The following MYO1D variants were observed in gnomAD, a reference collection of about 807,000 sequenced individuals.
MYO1D encodes unconventional myosin-Id.
Under a neutral mutation model 122.0 loss-of-function variants are expected in MYO1D, and 83 were observed. That is an observed-to-expected ratio of 0.68 (90% CI 0.57 to 0.82). The LOEUF is 0.82. Among genes scored for constraint, MYO1D ranks in the 40% least tolerant of loss-of-function variants. The pLI, the probability that MYO1D is intolerant of heterozygous loss-of-function variation, is 0.00. For missense variants in MYO1D, 1,157 were observed against 1,269.5 expected (o/e 0.91, Z 1.35); for synonymous variants, 464 against 446.9 (o/e 1.04, Z -0.48).
chr17:32,836,423 C>A (rs11870795), intron 1 of MYO1D, among the ~76,000 whole-genome samples: 2 of 151,994 alleles, frequency 1.3e-5, no homozygotes, highest in African/African-American at 4.8e-5. Context: ...GAGATCAATA[C>A]ATAGAATATT....
At chr17:32,568,972 GT>G (rs1406349858) in intron 21 of MYO1D, among the ~76,000 whole-genome samples, 1 of 152,202 alleles carries the variant, frequency 6.6e-6, no homozygotes, top group Non-Finnish European at 1.5e-5. Context: ...AGGTTGGGGG[GT>G]TTAAGTCATC....
intron 20 of MYO1D, among the ~76,000 whole-genome samples, chr17:32,634,000 G>A (rs1210882597): frequency 6.6e-6 from 1 of 152,066 alleles, no homozygotes; most frequent in African/African-American, 2.4e-5. Context: ...TCCAAGACTT[G>A]CAGAGATTTT....
intron 19 of MYO1D, among the ~76,000 whole-genome samples, chr17:32,653,238 C>T (rs1263520403): frequency 3.3e-5 from 5 of 151,414 alleles, no homozygotes; most frequent in Admixed American, 3.3e-4. Context: ...GAAAGATACA[C>T]ATGCAGTGAA....
At chr17:32,844,161 T>C (rs1207724496) in intron 1 of MYO1D, among the ~76,000 whole-genome samples, 1 of 149,164 alleles carries the variant, frequency 6.7e-6, no homozygotes, top group Non-Finnish European at 1.5e-5. Flanking sequence ...AATACATGTA[T>C]AAAACATATA....
intron 21 of MYO1D, among the ~76,000 whole-genome samples, chr17:32,603,521 CTTTTTTTTTT>C (rs776245633): frequency 1.1e-4 from 11 of 99,680 alleles, no homozygotes; most frequent in Non-Finnish European, 2.0e-4. Context: ...ACATTCTAAA[CTTTTTTTTTT>C]TTTTTTTTTT....
chr17:32,709,345 T>C (rs530940021), intron 16 of MYO1D, among the ~76,000 whole-genome samples: 1 of 151,402 alleles, frequency 6.6e-6, no homozygotes, highest in South Asian at 2.1e-4. Flanking sequence ...CTTGAATAGG[T>C]AGAAAGAAAA....
intron 21 of MYO1D, among the ~76,000 whole-genome samples, chr17:32,521,080 G>T (rs764809466): frequency 1.3e-5 from 2 of 152,222 alleles, no homozygotes; most frequent in Non-Finnish European, 2.9e-5. Context: ...TGGAAGGTTA[G>T]AAGTCTAGAA....
chr17:32,732,560 G>A (rs932627069), intron 14 of MYO1D, among the ~76,000 whole-genome samples: 1 of 152,074 alleles, frequency 6.6e-6, no homozygotes, highest in Non-Finnish European at 1.5e-5. Flanking sequence ...GCTGAGAGAT[G>A]AGTAGACAAT....
intron 16 of MYO1D, among the ~76,000 whole-genome samples, chr17:32,682,280 T>C (rs942815382): frequency 2.0e-5 from 3 of 151,812 alleles, no homozygotes; most frequent in South Asian, 2.1e-4. Context: ...ATGTGTGCAT[T>C]TGATCCTGTC....
At chr17:32,802,019 C>T (rs759535671) in intron 1 of MYO1D, among the ~76,000 whole-genome samples, 5 of 152,218 alleles carry the variant, frequency 3.3e-5, no homozygotes, top group Non-Finnish European at 7.3e-5. Flanking sequence ...TGTTGACTAT[C>T]TGTTCTCAGT....
intron 16 of MYO1D, among the ~76,000 whole-genome samples, chr17:32,679,737 G>A (rs1319678036): frequency 2.3e-4 from 35 of 151,594 alleles, no homozygotes; most frequent in African/African-American, 7.3e-4. Flanking sequence ...TGACTTGGCA[G>A]TGCGGGGTCT....
At chr17:32,697,174 G>A (rs1283607920) in intron 16 of MYO1D, among the ~76,000 whole-genome samples, 1 of 152,180 alleles carries the variant, frequency 6.6e-6, no homozygotes, top group African/African-American at 2.4e-5. Flanking sequence ...TGGCTGGGTT[G>A]TCAGCTTCTG....
At chr17:32,530,060 T>C (rs1910462098) in intron 21 of MYO1D, 1 of 152,192 alleles carries the variant, frequency 6.6e-6, no homozygotes, top group Admixed American at 6.5e-5. Context: ...TAAAAGTAGA[T>C]GGCAGAGTCT....
At chr17:32,713,391 T>A (rs1158890952) in intron 15 of MYO1D, among the ~76,000 whole-genome samples, 1 of 152,198 alleles carries the variant, frequency 6.6e-6, no homozygotes, top group Non-Finnish European at 1.5e-5. Context: ...GCTGTGTCTG[T>A]CCATCTGTGC....
chr17:32,812,662 C>T (rs1260702641), intron 1 of MYO1D, among the ~76,000 whole-genome samples: 26 of 152,082 alleles, frequency 1.7e-4, no homozygotes, highest in Admixed American at 1.7e-3. Flanking sequence ...TGAGATATAG[C>T]CTGTGGGGTT....
At chr17:32,591,660 T>C (rs1567900740) in intron 21 of MYO1D, among the ~76,000 whole-genome samples, 2 of 144,586 alleles carry the variant, frequency 1.4e-5, no homozygotes, top group African/African-American at 5.3e-5. Context: ...TTTGGTGATT[T>C]CATCAAAAAA....
intron 21 of MYO1D, among the ~76,000 whole-genome samples, chr17:32,519,901 T>TA (rs576868258): frequency 2.9e-3 from 385 of 132,226 alleles, no homozygotes; most frequent in African/African-American, 7.3e-3. Flanking sequence ...TTTTTTTTTT[T>TA]AAAAAAAAAA....
intron 13 of MYO1D, among the ~76,000 whole-genome samples, chr17:32,740,236 A>T (rs979011286): frequency 1.3e-5 from 2 of 152,216 alleles, no homozygotes; most frequent in East Asian, 3.8e-4. Context: ...AAATTTCGAC[A>T]CATGTTAAAA....
At chr17:32,655,881 G>A (rs1269491120) in intron 17 of MYO1D, among the ~76,000 whole-genome samples, 1 of 152,162 alleles carries the variant, frequency 6.6e-6, no homozygotes, top group Non-Finnish European at 1.5e-5. Context: ...CTTGGATCAG[G>A]GAGGTGGAGG....
Sources: allele counts gnomAD v4.1 joint callset (sites outside exome capture counted in the v4.1 genomes callset), GRCh38; gene constraint gnomAD v4.1.1; transcripts MANE v1.5; gene names NCBI Gene and HGNC (gene_info 2026-07-23, HGNC 2026-07-21).